The following PPP6R3 variants were observed in gnomAD, a reference collection of about 807,000 sequenced individuals.
PPP6R3 encodes the protein serine/threonine-protein phosphatase 6 regulatory subunit 3.
Under a neutral mutation model 110.7 loss-of-function variants are expected in PPP6R3, and 38 were observed. The observed-to-expected ratio is 0.34, with a 90% confidence interval of 0.26 to 0.45. The LOEUF is 0.45. PPP6R3 is among the 20% of genes least tolerant of loss of function. The pLI is 1.00. For missense variants in PPP6R3, 870 were observed against 1,062.4 expected (o/e 0.82, Z 2.52); for synonymous variants, 369 against 373.5 (o/e 0.99, Z 0.14).
At chr11:68,461,199 C>G (rs966156821) in intron 1 of PPP6R3, among the ~76,000 whole-genome samples, 5 of 151,314 alleles carry the variant, frequency 3.3e-5, no homozygotes, top group African/African-American at 1.2e-4. Flanking sequence ...CCCGCAGTCT[C>G]GCCCCCCGCC....
intron 9 of PPP6R3, among the ~76,000 whole-genome samples, chr11:68,564,704 G>T (rs1025774650): frequency 5.9e-5 from 9 of 152,168 alleles, no homozygotes; most frequent in Non-Finnish European, 1.2e-4. Flanking sequence ...TTTTCTTCTT[G>T]TAGCATATTA....
chr11:68,558,337 A>C, intron 7 of PPP6R3: 3 of 275,874 alleles, frequency 1.1e-5, no homozygotes, highest in East Asian at 7.9e-5. Flanking sequence ...TGCTGAGGGA[A>C]AGAGATAGAA....
intron 1 of PPP6R3, among the ~76,000 whole-genome samples, chr11:68,500,139 A>T (rs1412564460): frequency 6.6e-6 from 1 of 152,204 alleles, no homozygotes; most frequent in Non-Finnish European, 1.5e-5. Context: ...AACAACCACA[A>T]AGCCTCACAT....
At chr11:68,564,456 G>T (rs2099448193) in intron 9 of PPP6R3, 24 bp downstream of exon 9, 1 of 1,612,142 alleles carries the variant, frequency 6.2e-7, no homozygotes, top group African/African-American at 1.3e-5. Context: ...GTTAAGCATG[G>T]CTGCCCAGCG....
chr11:68,517,954 G>A (rs931489320), intron 1 of PPP6R3, among the ~76,000 whole-genome samples: 1 of 145,156 alleles, frequency 6.9e-6, no homozygotes, highest in Middle Eastern at 3.5e-3. Context: ...AAAAAAAAAA[G>A]TTAATAAAAT....
chr11:68,477,741 A>AAAAAAAAAAAAAAATATATATATAT, intron 1 of PPP6R3, among the ~76,000 whole-genome samples: 1 of 57,894 alleles, frequency 1.7e-5, no homozygotes, highest in African/African-American at 7.1e-5. Context: ...AAAAAAAAAA[A>AAAAAAAAAAAAAAATATATATATAT]ATATATATAT....
chr11:68,483,560 G>C (rs1274581985), intron 1 of PPP6R3, among the ~76,000 whole-genome samples: 1 of 151,960 alleles, frequency 6.6e-6, no homozygotes, highest in East Asian at 1.9e-4. Context: ...TCGGCTCATT[G>C]TAACCTCCGC....
intron 1 of PPP6R3, among the ~76,000 whole-genome samples, chr11:68,479,414 A>T (rs887946777): frequency 6.6e-6 from 1 of 152,126 alleles, no homozygotes; most frequent in Non-Finnish European, 1.5e-5. Context: ...ATTTTGGAGC[A>T]TTTCTGATTT....
At chr11:68,564,169 A>G in intron 8 of PPP6R3, 134 bp from the exon 9 acceptor site, 1 of 917,118 alleles carries the variant, frequency 1.1e-6, no homozygotes, top group Non-Finnish European at 1.6e-6. Flanking sequence ...CTGCCTCATT[A>G]TGCTTTTTTC....
Position 68,575,162 on chromosome 11 carries a change from T to C in PPP6R3, c.1460-796T>C, listed in dbSNP as rs532233039. 1.1e-4 allele frequency among the ~76,000 whole-genome samples: 17 copies of C among 152,350 alleles called. No homozygotes were observed. In the South Asian group the frequency reaches 3.3e-3, roughly 30 times the overall value. On this transcript the variant is annotated intron_variant, in intron 13 of 23. Coordinates refer to ENST00000393800, the MANE Select transcript of PPP6R3 (RefSeq NM_001164161.2). ...ACTAAGAAGAAATGGCCATGTGATATGACTGAGTTTTTAGATCAGACTTTC... is the reference window on the plus strand; with the variant it reads ...ACTAAGAAGAAATGGCCATGTGATACGACTGAGTTTTTAGATCAGACTTTC...
intron 23 of PPP6R3, 175 bp from the exon 24 acceptor site, chr11:68,612,891 C>T: frequency 1.5e-6 from 2 of 1,298,024 alleles, no homozygotes; most frequent in Non-Finnish European, 1.0e-6. Context: ...TGCACTCACT[C>T]AGATTTTTCT....
rs939309600 is a variant in PPP6R3 at position 68,558,574 on chromosome 11, T to C, written c.740T>C (p.Ile247Thr). Reference sequence around the variant, plus strand: ...TTGATTTGTTTCCCTAGGCAAGAAATTATAGAGCAGCTTCTATCAAATATT... The same window carrying C: ...TTGATTTGTTTCCCTAGGCAAGAAACTATAGAGCAGCTTCTATCAAATATT... Reference protein sequence around the residue: ...PLLATLEKQEIIEQLLSNIFH... With the variant: ...PLLATLEKQETIEQLLSNIFH... The change falls in exon 8 of 24, where the codon ATT (isoleucine) becomes ACT (threonine). Residue 247 changes from isoleucine to threonine, a missense_variant. By Grantham distance (89) the Ile-to-Thr change is moderately conservative (BLOSUM62 -1). Coordinates refer to ENST00000393800, the MANE Select transcript of PPP6R3 (RefSeq NM_001164161.2). 1 of 1,609,796 alleles carries C rather than the reference T, an allele frequency of 6.2e-7. No individual in the cohort carries two copies. Among genetic ancestry groups the C allele is most frequent in the Admixed American group, 1.7e-5 (1 of 59,758 alleles).
chr11:68,506,956 C>T (rs2099081747), intron 1 of PPP6R3, among the ~76,000 whole-genome samples: 1 of 152,210 alleles, frequency 6.6e-6, no homozygotes, highest in Admixed American at 6.5e-5. Flanking sequence ...CTGTGCGTCC[C>T]TGCCCACTGT....
chr11:68,611,781 T>C (rs1943541536), intron 23 of PPP6R3, among the ~76,000 whole-genome samples: 1 of 152,022 alleles, frequency 6.6e-6, no homozygotes, highest in Non-Finnish European at 1.5e-5. Context: ...AGACCTAGAG[T>C]GCGTCCTAGA....
In PPP6R3 at chr11:68,601,851, CT is replaced by C. The variant is rs1162845116; in HGVS notation, c.2193-6del. On this transcript the variant is annotated splice_polypyrimidine_tract_variant and intron_variant, in intron 20 of 23. Coordinates refer to ENST00000393800, the MANE Select transcript of PPP6R3 (RefSeq NM_001164161.2). Reference sequence around the variant, plus strand: ...CCTGCTGCTAATATCTGAATTTTCTCTTTTTTGAAAGCACAAAAGATTCTTT... The same window carrying C: ...CCTGCTGCTAATATCTGAATTTTCTCTTTTTGAAAGCACAAAAGATTCTTT... 1 of 1,602,826 alleles carries C rather than the reference CT, an allele frequency of 6.2e-7. No individual in the cohort carries two copies. Among genetic ancestry groups the C allele is most frequent in the Non-Finnish European group, 8.5e-7 (1 of 1,170,890 alleles).
At chr11:68,503,281 T>C (rs2099057891) in intron 1 of PPP6R3, among the ~76,000 whole-genome samples, 2 of 152,298 alleles carry the variant, frequency 1.3e-5, no homozygotes, top group South Asian at 4.1e-4. Context: ...AACGGCTTCG[T>C]TTATTCAACA....
At chr11:68,468,277 T>C (rs1185723600) in intron 1 of PPP6R3, among the ~76,000 whole-genome samples, 1 of 152,218 alleles carries the variant, frequency 6.6e-6, no homozygotes, top group African/African-American at 2.4e-5. Context: ...TTTTTGGTAG[T>C]AGTATGTGTC....
intron 3 of PPP6R3, among the ~76,000 whole-genome samples, chr11:68,544,455 G>A (rs187676631): frequency 7.2e-5 from 11 of 152,328 alleles, no homozygotes; most frequent in African/African-American, 2.4e-4. Flanking sequence ...CTCCACAGTT[G>A]TCCGCAAGCT....
At chr11:68,489,950 C>T (rs2153430783) in intron 1 of PPP6R3, among the ~76,000 whole-genome samples, 2 of 152,198 alleles carry the variant, frequency 1.3e-5, no homozygotes, top group South Asian at 4.1e-4. Flanking sequence ...CGCATAAATA[C>T]ATAAGGAAGC....
Sources: allele counts gnomAD v4.1 joint callset (sites outside exome capture counted in the v4.1 genomes callset), GRCh38; gene constraint gnomAD v4.1.1; transcripts MANE v1.5; gene names NCBI Gene and HGNC (gene_info 2026-07-23, HGNC 2026-07-21).